EEF1D: variants seen among roughly 807,000 people sequenced by gnomAD.
EEF1D encodes elongation factor 1-delta.
In EEF1D, 47 loss-of-function variants were observed where a neutral mutation model predicts 63.9. The observed-to-expected ratio is 0.74, with a 90% confidence interval of 0.58 to 0.94. EEF1D has a LOEUF of 0.94. Ranked by LOEUF, EEF1D falls within the 40% of genes least tolerant of loss-of-function variation. The pLI, the probability that EEF1D is intolerant of heterozygous loss-of-function variation, is 0.00. For missense variants in EEF1D, 907 were observed against 899.0 expected (o/e 1.01, Z -0.11); for synonymous variants, 412 against 386.1 (o/e 1.07, Z -0.79).
Position 143,581,342 on chromosome 8 carries a change from G to A in EEF1D, c.1288-14C>T, listed in dbSNP as rs1372506290. 3.7e-6 allele frequency: 6 copies of A among 1,607,174 alleles called. No homozygotes were observed. The highest frequency in any genetic ancestry group is 4.2e-6 in the Non-Finnish European group (5 of 1,178,204). On this transcript the variant is annotated splice_polypyrimidine_tract_variant and intron_variant, in intron 5 of 9. Transcript: ENST00000618139. ...GGGGCCTGAGCTCTGCAAGGCAGGAGGAGGGGAGGGCTCAGTGCCCAGCCT... is the reference window on the plus strand; with the variant it reads ...GGGGCCTGAGCTCTGCAAGGCAGGAAGAGGGGAGGGCTCAGTGCCCAGCCT...
chr8:143,584,579 C>A (rs1297040941), intron 5 of EEF1D, among the ~76,000 whole-genome samples: 1 of 151,860 alleles, frequency 6.6e-6, no homozygotes, highest in Non-Finnish European at 1.5e-5. Flanking sequence ...ACTCACCCAC[C>A]CCCTCCAAAA....
rs764344351 is a variant in EEF1D at position 143,580,641 on chromosome 8, C to A, written c.1575G>T (p.Leu525=). The change falls in exon 8 of 10, where the codon CTG becomes CTT. Residue 525 remains leucine, a synonymous_variant. Coordinates refer to ENST00000618139, the MANE Select transcript of EEF1D (RefSeq NM_001130053.5). ...AEDDEDDDID[L]FGSDNEEEDK... is the part of the protein sequence containing the mutation. The stretch of plus-strand genomic sequence containing the variant: ...CCTCCTCCTCATTGTCACTGCCAAA[C>A]AGGTCAATGTCATCATCCTCGTCAT... 3.1e-6 allele frequency: 5 copies of A among 1,613,944 alleles called. No homozygotes were observed. The highest frequency in any genetic ancestry group is 1.1e-5 in the South Asian group (1 of 91,080).
intron 5 of EEF1D, chr8:143,583,816 A>C (rs1826016331): frequency 6.6e-6 from 1 of 152,306 alleles, no homozygotes; most frequent in African/African-American, 2.4e-5. Flanking sequence ...GATTAAGTTA[A>C]GCGGCAGAGA....
rs1234871660 is a variant in EEF1D at position 143,589,034 on chromosome 8, G to A, written c.1048C>T (p.Pro350Ser). 2 of 1,603,470 alleles carry A rather than the reference G, an allele frequency of 1.2e-6. No individual in the cohort carries two copies. The highest frequency in any genetic ancestry group is 1.1e-5 in the South Asian group (1 of 90,894). Residue 350 changes from proline (P) to serine (S), a missense_variant, in exon 3 of 10, where the codon CCC becomes TCC. Pro to Ser is a moderately conservative substitution (Grantham distance 74, BLOSUM62 -1). Transcript: ENST00000618139. ...ACGGACAGGCCAGACCGAGGACCGG[G>A]TCGGTGAGACAGGGAGGCAGCTTCG... ...CLEAASLSHR[P>S]GPRSGLSVSS...
chr8:143,596,650 T>G (rs991592516), intron 1 of EEF1D: 9 of 152,276 alleles, frequency 5.9e-5, no homozygotes, highest in East Asian at 1.9e-4. Flanking sequence ...ACACAGTTCT[T>G]CTGCTGCCAG....
In EEF1D at chr8:143,579,992, T is replaced by C; in HGVS notation, c.1905+20A>G. On this transcript the variant is annotated intron_variant, in intron 9 of 9. Coordinates refer to ENST00000618139, the MANE Select transcript of EEF1D (RefSeq NM_001130053.5). ...GTCCCCAGTCTCCTCTCCCCTCCTC[T>C]CCCCGGCCGGCTCACTCACGTGCTC... 6.2e-7 allele frequency: 1 copy of C among 1,609,064 alleles called. No homozygotes were observed. Among genetic ancestry groups the C allele is most frequent in the Non-Finnish European group, 8.5e-7 (1 of 1,176,542 alleles).
Position 143,589,775 on chromosome 8 carries a change from G to A in EEF1D, c.307C>T (p.Leu103Phe), listed in dbSNP as rs146677657. Residue 103 changes from leucine to phenylalanine, a missense_variant, in exon 3 of 10, where the codon CTC (leucine) becomes TTC (phenylalanine). Transcript: ENST00000618139. ...KSGLGPADLA[L>F]LGLSAERVWL... The stretch of plus-strand genomic sequence containing the variant: ...ACGCGTTCGGCCGAGAGGCCCAGGA[G>A]GGCCAGGTCCGCGGGGCCGAGCCCG... 127 of 1,557,908 alleles carry A rather than the reference G, an allele frequency of 8.2e-5. No homozygotes were observed. Among genetic ancestry groups the A allele is most frequent in the Non-Finnish European group, 1.1e-4 (122 of 1,154,438 alleles).
intron 1 of EEF1D, among the ~76,000 whole-genome samples, chr8:143,594,249 G>C (rs933457612): frequency 6.6e-6 from 1 of 152,172 alleles, no homozygotes; most frequent in African/African-American, 2.4e-5. Context: ...CTGAGCCTCT[G>C]GCAGCTGCCC....
At position 143,589,209 on chromosome 8, in the gene EEF1D, C is replaced by A; in HGVS notation, c.873G>T (p.Leu291=). Residue 291 remains leucine (L), a synonymous_variant, in exon 3 of 10, where the codon CTG becomes CTT. Transcript: ENST00000618139. ...AGGGGGCCTCCCCATCGGCCCGTCG[C>A]AGCCCGGCCCGCTTGTTCCCTAAGA... The part of the protein sequence containing the change: ...RNILGNKRAG[L]RRADGEAPSA... The A allele has an allele frequency of 1.3e-6, 2 of 1,584,954 alleles. No homozygotes were observed. The highest frequency in any genetic ancestry group is 2.7e-5 in the African/African-American group (2 of 74,594).
In EEF1D at chr8:143,580,174, CTCCAGCTGGGCCATG is replaced by C; in HGVS notation, c.1728_1742del (p.Asp576_Leu580del). 2 of 1,613,750 alleles carry C rather than the reference CTCCAGCTGGGCCATG, an allele frequency of 1.2e-6. No homozygotes were observed. The highest frequency in any genetic ancestry group is 1.7e-6 in the Non-Finnish European group (2 of 1,180,002). ...CCAGCTGGATAGAGCGCACACAGGC[CTCCAGCTGGGCCATG>C]TCCGTCTCATCATCCCACTGTGGGG... On this transcript the variant is annotated inframe_deletion, in exon 9 of 10. Transcript: ENST00000618139.
intron 5 of EEF1D, among the ~76,000 whole-genome samples, chr8:143,585,156 T>C (rs1826315411): frequency 6.6e-6 from 1 of 152,102 alleles, no homozygotes; most frequent in East Asian, 1.9e-4. Flanking sequence ...CTACCTTACA[T>C]GGCAAAAAGA....
In EEF1D at chr8:143,589,911, A is replaced by T; in HGVS notation, c.171T>A (p.Pro57=). Residue 57 remains proline, a synonymous_variant, in exon 3 of 10, where the codon CCT becomes CCA. Coordinates refer to ENST00000618139, the MANE Select transcript of EEF1D (RefSeq NM_001130053.5). The part of the protein sequence containing the change: ...PAMNGPGQDD[P]EDADEAEAPD... ...GGGCTTCCGCCTCATCAGCGTCCTC[A>T]GGGTCGTCCTGGCCGGGCCCATTCA... The T allele has an allele frequency of 1.9e-6, 3 of 1,598,786 alleles. No homozygotes were observed. The highest frequency in any genetic ancestry group is 1.3e-5 in the African/African-American group (1 of 74,886).
chr8:143,594,405 C>CAA (rs10650180), intron 1 of EEF1D: 121,584 of 152,282 alleles, frequency 0.8, 50,361 homozygotes, highest in Non-Finnish European at 0.92. Context: ...GCAGCCCCGG[C>CAA]AGACTCCTAC....
In EEF1D at chr8:143,586,968, T is replaced by C; in HGVS notation, c.1092-116A>G. The C allele has an allele frequency of 2.8e-6, 4 of 1,435,844 alleles. No homozygotes were observed. The South Asian group carries it at 5.1e-5, about 18-fold the overall frequency. The allele number at this position is 1,435,844 out of a possible 1,614,324, so 88.9% of individuals were successfully genotyped here. ...CACCCGCTTCAGACACCAGCGGTTC[T>C]CCACAAAGCGACACCAAGCCCGTAA... On this transcript the variant is annotated intron_variant, in intron 3 of 9. Coordinates refer to ENST00000618139, the MANE Select transcript of EEF1D (RefSeq NM_001130053.5).
intron 7 of EEF1D, 119 bp downstream of exon 7, chr8:143,580,935 G>A: frequency 1.6e-6 from 2 of 1,260,396 alleles, no homozygotes; most frequent in Non-Finnish European, 2.2e-6. Context: ...GGGGACCTGA[G>A]GACTCCAGTA....
intron 5 of EEF1D, chr8:143,583,737 G>C (rs1825998581): frequency 6.6e-6 from 1 of 152,304 alleles, no homozygotes; most frequent in Non-Finnish European, 1.5e-5. Context: ...CCCCCACAAA[G>C]CCACATACGA....
chr8:143,583,882 G>T (rs76225457), intron 5 of EEF1D: 9,462 of 152,454 alleles, frequency 0.062, 346 homozygotes, highest in East Asian at 0.15. Context: ...ACACTAGGCA[G>T]CAGGAGCGAG....
intron 8 of EEF1D, 146 bp from the exon 9 acceptor site, chr8:143,580,352 C>G: frequency 8.1e-7 from 1 of 1,235,638 alleles, no homozygotes; most frequent in Non-Finnish European, 1.1e-6. Context: ...TTCACACCTT[C>G]CTGCCTCCAA....
At chr8:143,582,130 C>G (rs1825678250) in intron 5 of EEF1D, 1 of 152,344 alleles carries the variant, frequency 6.6e-6, no homozygotes. Context: ...CCGCTCCTTG[C>G]AGCAGGTGCG....
Sources: allele counts gnomAD v4.1 joint callset (sites outside exome capture counted in the v4.1 genomes callset), GRCh38; gene constraint gnomAD v4.1.1; transcripts MANE v1.5; gene names NCBI Gene and HGNC (gene_info 2026-07-23, HGNC 2026-07-21).